GSG1L: variants seen among roughly 807,000 people sequenced by gnomAD.
The protein encoded by GSG1L is GSG1 like, also known as germ cell-specific gene 1-like protein.
Under a neutral mutation model 42.1 loss-of-function variants are expected in GSG1L, and 24 were observed. That is an observed-to-expected ratio of 0.57 (90% CI 0.41 to 0.80). The LOEUF (loss-of-function observed/expected upper bound fraction) is 0.80, where lower values mean the gene tolerates loss of function less well. Among genes scored for constraint, GSG1L ranks in the 30% least tolerant of loss-of-function variants. The pLI, the probability that GSG1L is intolerant of heterozygous loss-of-function variation, is 0.00. For missense variants in GSG1L, 445 were observed against 472.2 expected, an observed-to-expected ratio of 0.94 and a Z score of 0.53; for synonymous variants, 215 against 203.5, an observed-to-expected ratio of 1.06 and a Z score of -0.48.
intron 2 of GSG1L, among the ~76,000 whole-genome samples, chr16:27,918,689 G>GA (rs1224127643): frequency 7.3e-5 from 11 of 151,134 alleles, no homozygotes; most frequent in Non-Finnish European, 1.2e-4. Context: ...GAAAGAAAAA[G>GA]AAAAAAAAGA....
In GSG1L at chr16:27,828,800, G is replaced by A. The variant is rs745942755; in HGVS notation, c.819C>T (p.Tyr273=). Residue 273 remains tyrosine (Y), a synonymous_variant, in exon 5 of 7, where the codon TAC becomes TAT. Coordinates refer to ENST00000447459, the MANE Select transcript of GSG1L (RefSeq NM_001109763.2). Reference sequence around the variant, plus strand: ...CCCTGTGCACTGACCTCTCCCGGAAGTACTTGATGGCCTCAGGGTCTATGA... The same window carrying A: ...CCCTGTGCACTGACCTCTCCCGGAAATACTTGATGGCCTCAGGGTCTATGA... ...PTFIDPEAIK[Y]FRERMEKRDG... 6.2e-7 allele frequency: 1 copy of A among 1,614,036 alleles called. No homozygotes were observed.
intron 4 of GSG1L, among the ~76,000 whole-genome samples, chr16:27,840,294 C>T (rs572591062): frequency 6.6e-6 from 1 of 152,230 alleles, no homozygotes; most frequent in Admixed American, 6.5e-5. Context: ...ACCTTGGCCT[C>T]CCAAGGTGCT....
intron 2 of GSG1L, among the ~76,000 whole-genome samples, chr16:27,958,440 A>C (rs562820866): frequency 6.6e-6 from 1 of 150,836 alleles, no homozygotes; most frequent in Non-Finnish European, 1.5e-5. Flanking sequence ...AAAGAAAACT[A>C]TATCAGTCAT....
At chr16:27,925,850 C>T (rs867780873) in intron 2 of GSG1L, among the ~76,000 whole-genome samples, 11 of 152,316 alleles carry the variant, frequency 7.2e-5, no homozygotes, top group Middle Eastern at 3.4e-3. Flanking sequence ...GTGCCTGGGG[C>T]GTGCACAGAG....
intron 4 of GSG1L, among the ~76,000 whole-genome samples, chr16:27,842,075 G>A (rs548872635): frequency 4.3e-3 from 650 of 150,770 alleles, no homozygotes; most frequent in African/African-American, 0.015. Context: ...GATGTCGCGC[G>A]TGCCGAATTT....
At chr16:27,973,342 C>T (rs2085213659) in intron 1 of GSG1L, among the ~76,000 whole-genome samples, 1 of 144,384 alleles carries the variant, frequency 6.9e-6, no homozygotes, top group Non-Finnish European at 1.5e-5. Context: ...CCCAGCTACT[C>T]AGGAGGCAGG....
chr16:27,900,971 T>A (rs77773277), intron 2 of GSG1L, among the ~76,000 whole-genome samples: 26 of 151,806 alleles, frequency 1.7e-4, no homozygotes, highest in Non-Finnish European at 5.9e-5. Flanking sequence ...CTACTAAAAA[T>A]ACAAAATTTA....
intron 2 of GSG1L, among the ~76,000 whole-genome samples, chr16:27,891,399 G>A (rs554504751): frequency 1.3e-3 from 197 of 152,198 alleles, no homozygotes; most frequent in African/African-American, 4.4e-3. Flanking sequence ...AGACAAGGCC[G>A]GCCTCAGACT....
At chr16:27,864,978 G>A (rs1197352844) in intron 3 of GSG1L, among the ~76,000 whole-genome samples, 2 of 152,228 alleles carry the variant, frequency 1.3e-5, no homozygotes, top group African/African-American at 4.8e-5. Context: ...TGAACAGAAT[G>A]TGGTCCCTGC....
chr16:27,831,693 C>A (rs2083276172), intron 4 of GSG1L, among the ~76,000 whole-genome samples: 1 of 152,158 alleles, frequency 6.6e-6, no homozygotes, highest in Non-Finnish European at 1.5e-5. Context: ...TGGAGCAGAG[C>A]CAGACAGGCA....
At chr16:27,982,038 G>C (rs2085331862) in intron 1 of GSG1L, among the ~76,000 whole-genome samples, 1 of 152,126 alleles carries the variant, frequency 6.6e-6, no homozygotes, top group Non-Finnish European at 1.5e-5. Context: ...TCTACCAAAA[G>C]AAGTGATCTT....
intron 1 of GSG1L, among the ~76,000 whole-genome samples, chr16:28,006,671 T>G (rs1202290030): frequency 2.0e-5 from 3 of 152,132 alleles, no homozygotes; most frequent in Non-Finnish European, 4.4e-5. Flanking sequence ...AACTGTAAGA[T>G]AATACATGTA....
chr16:27,791,250 G>C lies in GSG1L; in HGVS notation c.*120C>G. On this transcript the variant is annotated 3_prime_UTR_variant, in exon 7 of 7. Coordinates refer to ENST00000447459, the MANE Select transcript of GSG1L (RefSeq NM_001109763.2). ...GCAGGACAGGCCTGGCATCTCCCAC[G>C]CAGGCTGACTGAGTTCACGGCACAC... The C allele has an allele frequency of 3.5e-6, 2 of 573,374 alleles. No homozygotes were observed. Among genetic ancestry groups the C allele is most frequent in the Non-Finnish European group, 5.6e-6 (2 of 358,404 alleles). 35.5% of individuals were successfully genotyped at this position (573,374 alleles called of 1,614,324 possible).
intron 4 of GSG1L, among the ~76,000 whole-genome samples, chr16:27,831,789 T>C (rs2083277515): frequency 6.6e-6 from 1 of 152,224 alleles, no homozygotes; most frequent in Non-Finnish European, 1.5e-5. Flanking sequence ...CAAGATCTTT[T>C]TTCAAATAAC....
At chr16:27,865,382 C>T (rs949053285) in intron 3 of GSG1L, among the ~76,000 whole-genome samples, 11 of 151,694 alleles carry the variant, frequency 7.3e-5, no homozygotes, top group African/African-American at 2.7e-4. Flanking sequence ...ACCTGAGATC[C>T]ATTCCCGGCT....
chr16:28,015,236 G>A (rs2085767140), intron 1 of GSG1L, among the ~76,000 whole-genome samples: 1 of 152,022 alleles, frequency 6.6e-6, no homozygotes, highest in South Asian at 2.1e-4. Context: ...GGGCACAGCG[G>A]CTCACGCCTG....
At chr16:28,001,052 T>C (rs2085573842) in intron 1 of GSG1L, among the ~76,000 whole-genome samples, 1 of 152,058 alleles carries the variant, frequency 6.6e-6, no homozygotes, top group Non-Finnish European at 1.5e-5. Context: ...TGCTTCCCCC[T>C]CCCTCTGTGG....
chr16:28,000,420 T>C (rs1182800750), intron 1 of GSG1L, among the ~76,000 whole-genome samples: 3 of 152,226 alleles, frequency 2.0e-5, no homozygotes, highest in Non-Finnish European at 4.4e-5. Flanking sequence ...GGACATTTCC[T>C]CTGGACGATC....
intron 4 of GSG1L, among the ~76,000 whole-genome samples, chr16:27,835,040 G>A (rs888488659): frequency 2.0e-5 from 3 of 152,110 alleles, no homozygotes; most frequent in African/African-American, 7.2e-5. Context: ...TGATGATGTT[G>A]AGTTCTTTTA....
Sources: gnomAD v4.1 joint callset for allele counts (sites outside exome capture counted in the v4.1 genomes callset) on GRCh38, gnomAD v4.1.1 for gene constraint, MANE v1.5 for transcripts, NCBI Gene and HGNC (gene_info 2026-07-23, HGNC 2026-07-21) for gene names.